The following COLEC10 variants were observed in gnomAD, a reference collection of about 807,000 sequenced individuals.
COLEC10 encodes the protein collectin-10.
Under a neutral mutation model 28.4 loss-of-function variants are expected in COLEC10, and 22 were observed. The ratio of observed to expected loss-of-function variants is 0.78; its 90% CI spans 0.55 to 1.11. COLEC10 has a LOEUF of 1.11. Ranked by LOEUF, COLEC10 falls within the 50% of genes least tolerant of loss-of-function variation. The pLI is 0.00. For missense variants in COLEC10, 361 were observed against 344.1 expected (o/e 1.05, Z -0.39); for synonymous variants, 125 against 116.1 (o/e 1.08, Z -0.49).
At chr8:118,987,410 A>C in the COLEC10 span, among the ~76,000 whole-genome samples, 1 of 152,110 alleles carries the variant, frequency 6.6e-6, no homozygotes. Flanking sequence ...CTGAAAACAC[A>C]AACATTAGCC....
chr8:119,075,892 CTTTTTTT>C (rs35870985), intron 1 of COLEC10, among the ~76,000 whole-genome samples: 3 of 82,404 alleles, frequency 3.6e-5, no homozygotes, highest in East Asian at 4.0e-4. Context: ...TCAGCCATAT[CTTTTTTT>C]TTTTTTTTTT....
intron 1 of COLEC10, among the ~76,000 whole-genome samples, chr8:119,070,551 CCTCTCT>C (rs375495149): frequency 3.8e-5 from 2 of 52,914 alleles, no homozygotes; most frequent in Non-Finnish European, 6.9e-5. Context: ...TCTCCCTCTC[CCTCTCT>C]CTCTCTCTCT....
chr8:119,078,083 C>A (rs1301104175), intron 1 of COLEC10, among the ~76,000 whole-genome samples: 1 of 152,198 alleles, frequency 6.6e-6, no homozygotes, highest in Non-Finnish European at 1.5e-5. Context: ...ACAAGAGGAG[C>A]ACCAAGTCAT....
intron 2 of COLEC10, among the ~76,000 whole-genome samples, chr8:119,059,682 G>GTGGAGT (rs955250799): frequency 1.8e-4 from 27 of 152,124 alleles, no homozygotes; most frequent in Non-Finnish European, 3.4e-4. Context: ...GAGGAGAGAG[G>GTGGAGT]TGGAGTTTTT....
chr8:118,961,994 G>C, the COLEC10 span, among the ~76,000 whole-genome samples: 2 of 152,276 alleles, frequency 1.3e-5, no homozygotes, highest in South Asian at 4.1e-4. Flanking sequence ...AAATGAGTCA[G>C]GGAAACCAAT....
At chr8:119,009,228 A>G (rs1813861414) in intron 1 of COLEC10, among the ~76,000 whole-genome samples, 1 of 150,958 alleles carries the variant, frequency 6.6e-6, no homozygotes, top group Admixed American at 6.6e-5. Flanking sequence ...GAGCTTTGCT[A>G]TGGTTGGAAT....
chr8:119,096,817 C>T (rs541504382), intron 3 of COLEC10, among the ~76,000 whole-genome samples: 4 of 151,988 alleles, frequency 2.6e-5, no homozygotes, highest in Admixed American at 2.0e-4. Flanking sequence ...ACATATTTGA[C>T]TAAACTATGA....
At chr8:119,052,117 C>T (rs1395403776) in intron 2 of COLEC10, among the ~76,000 whole-genome samples, 1 of 152,116 alleles carries the variant, frequency 6.6e-6, no homozygotes, top group East Asian at 1.9e-4. Flanking sequence ...GTAAATATTA[C>T]CATCTACAAG....
chr8:119,078,976 G>T (rs1323511660), intron 1 of COLEC10, among the ~76,000 whole-genome samples: 1 of 148,842 alleles, frequency 6.7e-6, no homozygotes, highest in African/African-American at 2.5e-5. Context: ...GCATAAATCT[G>T]CTCTGGGAAA....
the COLEC10 span, among the ~76,000 whole-genome samples, chr8:118,952,912 G>C: frequency 6.6e-6 from 1 of 152,186 alleles, no homozygotes. Flanking sequence ...GGTTGCCACT[G>C]AAATTGTTTA....
chr8:119,090,878 C>G (rs1266286271), intron 2 of COLEC10, among the ~76,000 whole-genome samples: 1 of 152,204 alleles, frequency 6.6e-6, no homozygotes, highest in African/African-American at 2.4e-5. Context: ...TTCTTTTAAA[C>G]ATCCTCTGCC....
intron 1 of COLEC10, among the ~76,000 whole-genome samples, chr8:119,087,684 T>G (rs1369908842): frequency 1.3e-5 from 2 of 152,096 alleles, no homozygotes; most frequent in Admixed American, 6.6e-5. Flanking sequence ...ACCCCCCTTT[T>G]TGCCCTGAAA....
intron 2 of COLEC10, among the ~76,000 whole-genome samples, chr8:119,019,039 T>C (rs77482452): frequency 0.044 from 6,693 of 152,246 alleles, 216 homozygotes; most frequent in East Asian, 0.16. Context: ...CCTACTATCT[T>C]CCCCTTCTGC....
the COLEC10 span, among the ~76,000 whole-genome samples, chr8:118,957,650 T>C: frequency 1.3e-5 from 2 of 152,234 alleles, no homozygotes; most frequent in African/African-American, 2.4e-5. Flanking sequence ...TCATTTGACA[T>C]ACATGCTAAC....
chr8:118,988,018 C>T, the COLEC10 span, among the ~76,000 whole-genome samples: 37 of 152,204 alleles, frequency 2.4e-4, no homozygotes, highest in Admixed American at 2.2e-3. Context: ...TGGCAAACCA[C>T]CCCAAAATCT....
rs551282628 is a variant in COLEC10 at position 119,007,649 on chromosome 8, G to A, written n.123-1792G>A. On this transcript the variant is annotated intron_variant and non_coding_transcript_variant, in intron 1 of 6. Transcript: ENST00000521788. Reference sequence around the variant, plus strand: ...TTACTAGTGAAGTAATTAAGCGCAGGGAAGTCAAAGGACTTGCCCAAAGTA... The same window carrying A: ...TTACTAGTGAAGTAATTAAGCGCAGAGAAGTCAAAGGACTTGCCCAAAGTA... Among the ~76,000 whole-genome samples, 4 of 151,062 alleles carry A rather than the reference G, an allele frequency of 2.6e-5. No homozygotes were observed. The South Asian group carries it at 8.3e-4, about 31-fold the overall frequency.
intron 2 of COLEC10, among the ~76,000 whole-genome samples, chr8:119,030,502 A>G (rs1240497565): frequency 1.3e-5 from 2 of 152,076 alleles, no homozygotes; most frequent in Non-Finnish European, 2.9e-5. Context: ...CGTCTCTACT[A>G]AAAGTGTGTT....
chr8:119,036,844 G>T (rs1814396901), intron 2 of COLEC10, among the ~76,000 whole-genome samples: 1 of 152,176 alleles, frequency 6.6e-6, no homozygotes, highest in African/African-American at 2.4e-5. Flanking sequence ...ACCACCTCAA[G>T]CTATAATGGA....
rs1264331736 is a variant in COLEC10, at chr8:119,091,066, T to G, written c.221-83T>G. 4.7e-6 allele frequency: 5 copies of G among 1,056,954 alleles called. No homozygotes were observed. In the Admixed American group the frequency reaches 8.9e-5, roughly 19 times the overall value. The allele number at this position is 1,056,954 out of a possible 1,614,324, so 65.5% of individuals were successfully genotyped here. A position where few individuals can be genotyped will look rare whatever the true frequency, so the allele number is the denominator to read the frequency against. ...GGTAGAAGAATATACTTGTTGGTAT[T>G]TCTTTCAAGTGAATATCACATTAGC... On this transcript the variant is annotated intron_variant, in intron 2 of 5. Transcript: ENST00000332843.
Sources: allele counts gnomAD v4.1 joint callset (sites outside exome capture counted in the v4.1 genomes callset), GRCh38; gene constraint gnomAD v4.1.1; transcripts MANE v1.5; gene names NCBI Gene and HGNC (gene_info 2026-07-23, HGNC 2026-07-21).